Variants in DLC1 observed in about 807,000 individuals in gnomAD.
DLC1 encodes DLC1 Rho GTPase activating protein.
DLC1 carries 54 observed loss-of-function variants against 140.3 expected under a neutral mutation model. That is an observed-to-expected ratio of 0.38 (90% confidence interval 0.31 to 0.48). The LOEUF is 0.48. DLC1 is among the 20% of genes least tolerant of loss of function. The pLI is 0.96. For synonymous variants in DLC1, 986 were observed against 728.1 expected (o/e 1.35, Z -5.70); for missense variants, 2,536 against 1,907.0 (o/e 1.33, Z -6.14).
intron 5 of DLC1, among the ~76,000 whole-genome samples, chr8:13,212,263 C>T (rs1827983605): frequency 6.6e-6 from 1 of 152,134 alleles, no homozygotes; most frequent in African/African-American, 2.4e-5. Flanking sequence ...TCCAGAATTC[C>T]CTCTGCCCTG....
At chr8:13,160,942 G>T (rs923643596) in intron 5 of DLC1, among the ~76,000 whole-genome samples, 1 of 152,162 alleles carries the variant, frequency 6.6e-6, no homozygotes, top group Non-Finnish European at 1.5e-5. Context: ...TTAGCCAGGT[G>T]TGGTGGCGGG....
intron 5 of DLC1, among the ~76,000 whole-genome samples, chr8:13,150,331 T>C (rs939080950): frequency 2.0e-5 from 3 of 152,124 alleles, no homozygotes; most frequent in Non-Finnish European, 4.4e-5. Flanking sequence ...TCAAGGTGTA[T>C]TTTTTTTCTT....
At chr8:13,337,722 C>A (rs73564699) in intron 4 of DLC1, among the ~76,000 whole-genome samples, 1 of 152,100 alleles carries the variant, frequency 6.6e-6, no homozygotes, top group African/African-American at 2.4e-5. Flanking sequence ...TCTTTCCCAT[C>A]CGTTTTGGTA....
intron 5 of DLC1, among the ~76,000 whole-genome samples, chr8:13,131,537 A>G (rs555860047): frequency 6.6e-6 from 1 of 152,130 alleles, no homozygotes; most frequent in African/African-American, 2.4e-5. Context: ...GACTCACTCA[A>G]AACAAGACTG....
intron 5 of DLC1, chr8:13,214,882 A>T (rs980408846): frequency 4.3e-6 from 3 of 698,690 alleles, no homozygotes; most frequent in Non-Finnish European, 7.8e-6. Context: ...GGCTTTTGTA[A>T]GCGCCTTGCT....
chr8:13,332,939 A>G (rs770224288), intron 4 of DLC1, among the ~76,000 whole-genome samples: 6 of 152,104 alleles, frequency 3.9e-5, no homozygotes, highest in Admixed American at 1.3e-4. Context: ...CTCCTGCCCA[A>G]AGGTTTAAAG....
At chr8:13,326,148 T>C (rs911221073) in intron 4 of DLC1, among the ~76,000 whole-genome samples, 1 of 152,234 alleles carries the variant, frequency 6.6e-6, no homozygotes, top group African/African-American at 2.4e-5. Context: ...ATCCCCGCTG[T>C]CAAGTGATGC....
intron 4 of DLC1, among the ~76,000 whole-genome samples, chr8:13,361,132 T>TGAGGTA (rs151270542): frequency 0.12 from 17,895 of 151,896 alleles, 1,236 homozygotes; most frequent in South Asian, 0.17. Context: ...CTCAGGAGGT[T>TGAGGTA]GAGGTAGGAG....
At chr8:13,170,979 C>T (rs914515644) in intron 5 of DLC1, among the ~76,000 whole-genome samples, 8 of 152,120 alleles carry the variant, frequency 5.3e-5, no homozygotes, top group African/African-American at 7.2e-5. Context: ...GTCACCAAAG[C>T]TCTGTGATTT....
rs1461897724 is a variant in DLC1, at chr8:13,413,255, G to GTTTTTTTTTTTTTTT, written c.1024-11637_1024-11636insAAAAAAAAAAAAAAA. 1.6e-3 allele frequency among the ~76,000 whole-genome samples: 48 copies of GTTTTTTTTTTTTTTT among 30,114 alleles called. 1 individual carries two copies. The highest frequency in any genetic ancestry group is 2.9e-3 in the Non-Finnish European group (33 of 11,516). The allele number at this position is 30,114 out of a possible 152,430, so 19.8% of individuals were successfully genotyped here. A position where few individuals can be genotyped will look rare whatever the true frequency, so the allele number is the denominator to read the frequency against. The stretch of plus-strand genomic sequence containing the variant: ...TTAAAACATTATGAGATTTTTTTGC[G>GTTTTTTTTTTTTTTT]ATTTTTTTTTTTTTTTTTTTTTAGC... On this transcript the variant is annotated intron_variant, in intron 2 of 17. Transcript: ENST00000276297.
intron 1 of DLC1, among the ~76,000 whole-genome samples, chr8:13,526,965 C>G (rs1036686412): frequency 6.6e-6 from 1 of 152,048 alleles, no homozygotes; most frequent in African/African-American, 2.4e-5. Context: ...AATGTTTATT[C>G]TATTGTGTAG....
intron 5 of DLC1, among the ~76,000 whole-genome samples, chr8:13,227,858 G>A (rs1047528742): frequency 1.3e-5 from 2 of 152,104 alleles, no homozygotes; most frequent in African/African-American, 4.8e-5. Flanking sequence ...TCCCATAACT[G>A]GCTTGGTGGC....
At chr8:13,097,012 T>C (rs995869157) in intron 10 of DLC1, among the ~76,000 whole-genome samples, 1 of 152,146 alleles carries the variant, frequency 6.6e-6, no homozygotes, top group Non-Finnish European at 1.5e-5. Flanking sequence ...TTAGGTGATA[T>C]CCATGACCCA....
At chr8:13,132,085 C>T (rs1053180279) in intron 5 of DLC1, among the ~76,000 whole-genome samples, 1 of 152,122 alleles carries the variant, frequency 6.6e-6, no homozygotes, top group African/African-American at 2.4e-5. Context: ...AGCTTCCTTC[C>T]TCTCTCCGGC....
intron 2 of DLC1, among the ~76,000 whole-genome samples, chr8:13,428,794 A>G (rs1323873916): frequency 6.6e-6 from 1 of 152,182 alleles, no homozygotes; most frequent in African/African-American, 2.4e-5. Flanking sequence ...GTTTTTCTCA[A>G]TGTATACCAT....
chr8:13,351,273 T>C (rs1212081245), intron 4 of DLC1, among the ~76,000 whole-genome samples: 2 of 152,244 alleles, frequency 1.3e-5, no homozygotes, highest in African/African-American at 2.4e-5. Flanking sequence ...ATTATCCTCA[T>C]GTTATAGATG....
At chr8:13,389,749 G>A (rs1281785143) in intron 4 of DLC1, among the ~76,000 whole-genome samples, 3 of 152,024 alleles carry the variant, frequency 2.0e-5, no homozygotes, top group African/African-American at 7.2e-5. Flanking sequence ...ACACACAAAA[G>A]GAAAGCCAAA....
At chr8:13,332,483 T>G (rs929884548) in intron 4 of DLC1, among the ~76,000 whole-genome samples, 2 of 151,052 alleles carry the variant, frequency 1.3e-5, no homozygotes, top group African/African-American at 2.4e-5. Flanking sequence ...CAGACTGGAG[T>G]GCAGTGGCAC....
chr8:13,547,382 C>A (rs1174560546), intron 1 of DLC1, among the ~76,000 whole-genome samples: 1 of 151,808 alleles, frequency 6.6e-6, no homozygotes, highest in Non-Finnish European at 1.5e-5. Flanking sequence ...ACACAGAGGG[C>A]CACTCATATC....
Sources: allele counts gnomAD v4.1 joint callset (sites outside exome capture counted in the v4.1 genomes callset), GRCh38; gene constraint gnomAD v4.1.1; transcripts MANE v1.5; gene names NCBI Gene and HGNC (gene_info 2026-07-23, HGNC 2026-07-21).